Variants in KIAA1328 observed in about 807,000 individuals in gnomAD.
KIAA1328 encodes KIAA1328.
In KIAA1328, 52 loss-of-function variants were observed where a neutral mutation model predicts 68.1. That is an observed-to-expected ratio of 0.76 (90% CI 0.61 to 0.96). KIAA1328 has a LOEUF of 0.96. Among genes scored for constraint, KIAA1328 ranks in the 40% least tolerant of loss-of-function variants. The probability of loss-of-function intolerance (pLI) is 0.00; values close to 1 mark genes in which losing one functional copy is unlikely to be tolerated. For synonymous variants in KIAA1328, 232 were observed against 239.4 expected, an observed-to-expected ratio of 0.97 and a Z score of 0.28; for missense variants, 641 against 677.6, an observed-to-expected ratio of 0.95 and a Z score of 0.60.
At chr18:36,872,125 A>T (rs1355634677) in intron 4 of KIAA1328, among the ~76,000 whole-genome samples, 1 of 152,142 alleles carries the variant, frequency 6.6e-6, no homozygotes, top group East Asian at 1.9e-4. Context: ...TATTATCCTT[A>T]GGATACTCGT....
intron 9 of KIAA1328, among the ~76,000 whole-genome samples, chr18:37,214,296 G>A (rs994636248): frequency 6.6e-6 from 1 of 152,190 alleles, no homozygotes; most frequent in Non-Finnish European, 1.5e-5. Flanking sequence ...TAACATTTAA[G>A]TCTTTAATCC....
intron 7 of KIAA1328, among the ~76,000 whole-genome samples, chr18:37,142,955 GTT>G (rs1415751411): frequency 7.9e-6 from 1 of 126,554 alleles, no homozygotes; most frequent in Non-Finnish European, 1.7e-5. Context: ...TTTTTTTTTT[GTT>G]TTTTTTTTGT....
At chr18:37,176,954 G>A (rs1408311636) in intron 9 of KIAA1328, among the ~76,000 whole-genome samples, 1 of 152,180 alleles carries the variant, frequency 6.6e-6, no homozygotes, top group Non-Finnish European at 1.5e-5. Flanking sequence ...AGCAAAAGAA[G>A]TAATGATAAT....
intron 9 of KIAA1328, among the ~76,000 whole-genome samples, chr18:37,187,332 G>T (rs977753660): frequency 6.6e-6 from 1 of 152,252 alleles, no homozygotes; most frequent in East Asian, 1.9e-4. Context: ...TCTGAGGTGC[G>T]TTGGGATTTG....
At position 37,067,359 on chromosome 18, in the gene KIAA1328, G is replaced by C; in HGVS notation, c.1046G>C (p.Gly349Ala). ...TCTTGGGCATCTCTGGTGCATGGTG[G>C]TGGGGCACTGCAACCCATTGAAACT... Reference protein sequence around the residue: ...RLSWASLVHGGGALQPIETLK... With the variant: ...RLSWASLVHGAGALQPIETLK... The change falls in exon 7 of 10, where the codon GGT becomes GCT. Residue 349 changes from glycine to alanine, a missense_variant. Coordinates refer to ENST00000280020, the MANE Select transcript of KIAA1328 (RefSeq NM_020776.3). 1 of 1,613,846 alleles carries C rather than the reference G, an allele frequency of 6.2e-7. No homozygotes were observed.
At chr18:36,985,428 A>C (rs7235932) in intron 6 of KIAA1328, among the ~76,000 whole-genome samples, 85,350 of 152,028 alleles carry the variant, frequency 0.56, 25,953 homozygotes, top group East Asian at 0.77. Context: ...ATGTTGAAAA[A>C]GAACAAATTC....
At chr18:37,175,075 C>T (rs1254370752) in intron 9 of KIAA1328, among the ~76,000 whole-genome samples, 3 of 152,096 alleles carry the variant, frequency 2.0e-5, no homozygotes, top group Admixed American at 2.0e-4. Context: ...GATCACTTAA[C>T]GTTGTGGCTG....
At position 37,216,322 on chromosome 18, in the gene KIAA1328, T is replaced by C. The variant is rs1333604488; in HGVS notation, c.1524-5695T>C. 2.0e-5 allele frequency among the ~76,000 whole-genome samples: 3 copies of C among 152,336 alleles called. No individual in the cohort carries two copies. The South Asian group carries it at 6.2e-4, about 32-fold the overall frequency. On this transcript the variant is annotated intron_variant, in intron 9 of 9. Transcript: ENST00000280020. ...CCCTCTACACACTGCTTTAAATATG[T>C]CCCAGATATTCTGGTACGTCATGTC...
At chr18:37,086,903 G>A (rs572247951) in intron 7 of KIAA1328, among the ~76,000 whole-genome samples, 8 of 152,108 alleles carry the variant, frequency 5.3e-5, no homozygotes, top group Non-Finnish European at 8.8e-5. Flanking sequence ...TTCCATTCAT[G>A]CAGAATCTTT....
chr18:36,875,601 T>G (rs1246726136), intron 4 of KIAA1328, among the ~76,000 whole-genome samples: 1 of 152,226 alleles, frequency 6.6e-6, no homozygotes, highest in African/African-American at 2.4e-5. Flanking sequence ...TATGCAATCC[T>G]GTCATCTGCA....
At chr18:36,874,329 C>G (rs2048048527) in intron 4 of KIAA1328, among the ~76,000 whole-genome samples, 1 of 152,196 alleles carries the variant, frequency 6.6e-6, no homozygotes. Context: ...TCCTGTTTCT[C>G]CACATCCTCT....
intron 9 of KIAA1328, among the ~76,000 whole-genome samples, chr18:37,177,545 C>T (rs1347226656): frequency 6.6e-6 from 1 of 151,982 alleles, no homozygotes; most frequent in Admixed American, 6.6e-5. Context: ...AAATCACGCC[C>T]AACTAGTGAA....
chr18:37,098,501 T>C (rs931884938), intron 7 of KIAA1328, among the ~76,000 whole-genome samples: 31 of 152,198 alleles, frequency 2.0e-4, no homozygotes, highest in Admixed American at 6.5e-4. Flanking sequence ...GATTTTTGCA[T>C]TGATGTTCAT....
intron 5 of KIAA1328, among the ~76,000 whole-genome samples, chr18:36,906,196 A>C (rs2151050628): frequency 6.6e-6 from 1 of 152,262 alleles, no homozygotes; most frequent in Non-Finnish European, 1.5e-5. Context: ...CAATCTCCTA[A>C]ATGATTTTTA....
intron 7 of KIAA1328, among the ~76,000 whole-genome samples, chr18:37,128,386 ACC>A: frequency 6.6e-6 from 1 of 151,836 alleles, no homozygotes; most frequent in Non-Finnish European, 1.5e-5. Flanking sequence ...AGGCACGAAA[ACC>A]CTTGAACCTG....
intron 9 of KIAA1328, among the ~76,000 whole-genome samples, chr18:37,174,676 C>T (rs2059566706): frequency 1.3e-5 from 2 of 151,870 alleles, no homozygotes; most frequent in Admixed American, 1.3e-4. Context: ...TCACTACAAG[C>T]TCCACCTCCC....
At chr18:37,093,731 T>C (rs2057328232) in intron 7 of KIAA1328, among the ~76,000 whole-genome samples, 1 of 152,202 alleles carries the variant, frequency 6.6e-6, no homozygotes, top group Admixed American at 6.5e-5. Context: ...ACTTATTTAA[T>C]GAAATAGTAG....
intron 7 of KIAA1328, among the ~76,000 whole-genome samples, chr18:37,115,216 G>C (rs1472224355): frequency 6.6e-6 from 1 of 152,112 alleles, no homozygotes; most frequent in Non-Finnish European, 1.5e-5. Context: ...GACAAAGAAA[G>C]AGATTTTTAG....
At chr18:36,887,075 A>G (rs948254288) in intron 5 of KIAA1328, among the ~76,000 whole-genome samples, 4 of 150,396 alleles carry the variant, frequency 2.7e-5, no homozygotes, top group African/African-American at 9.8e-5. Flanking sequence ...AATTTTTTCT[A>G]CATCTCTAGC....
Sources: gnomAD v4.1 joint callset for allele counts (sites outside exome capture counted in the v4.1 genomes callset) on GRCh38, gnomAD v4.1.1 for gene constraint, MANE v1.5 for transcripts, NCBI Gene and HGNC (gene_info 2026-07-23, HGNC 2026-07-21) for gene names.